The following FBXL7 variants were observed in gnomAD, a reference collection of about 807,000 sequenced individuals.
FBXL7 encodes F-box/LRR-repeat protein 7.
FBXL7 carries 12 observed loss-of-function variants against 38.3 expected under a neutral mutation model. That is an observed-to-expected ratio of 0.31 (90% confidence interval 0.20 to 0.51). FBXL7 has a LOEUF of 0.51. Ranked by LOEUF, FBXL7 falls within the 20% of genes least tolerant of loss-of-function variation. The probability of loss-of-function intolerance (pLI) is 0.98; values close to 1 mark genes in which losing one functional copy is unlikely to be tolerated. For synonymous variants in FBXL7, 297 were observed against 300.9 expected (o/e 0.99, Z 0.13); for missense variants, 567 against 676.4 (o/e 0.84, Z 1.79).
chr5:15,627,291 C>T (rs1290312872), intron 2 of FBXL7, among the ~76,000 whole-genome samples: 1 of 152,092 alleles, frequency 6.6e-6, no homozygotes, highest in Non-Finnish European at 1.5e-5. Context: ...TGGTCTAAAG[C>T]AGAAGGGAGT....
chr5:15,826,760 C>T (rs766768930), intron 2 of FBXL7, among the ~76,000 whole-genome samples: 1 of 152,176 alleles, frequency 6.6e-6, no homozygotes, highest in African/African-American at 2.4e-5. Flanking sequence ...CTCCATGCAA[C>T]ATACCCTGAG....
chr5:15,750,394 G>A (rs1442568092), intron 2 of FBXL7, among the ~76,000 whole-genome samples: 1 of 152,152 alleles, frequency 6.6e-6, no homozygotes, highest in East Asian at 1.9e-4. Context: ...ATGGGGAGGA[G>A]GACATGTGCC....
chr5:15,679,735 T>G (rs1207685134), intron 2 of FBXL7, among the ~76,000 whole-genome samples: 4 of 152,132 alleles, frequency 2.6e-5, no homozygotes, highest in Non-Finnish European at 5.9e-5. Flanking sequence ...TTGAATGACA[T>G]TTTTAGGTGG....
At chr5:15,614,856 C>T (rs948982634) in intron 1 of FBXL7, among the ~76,000 whole-genome samples, 1 of 152,184 alleles carries the variant, frequency 6.6e-6, no homozygotes, top group African/African-American at 2.4e-5. Context: ...GGAAGGGTCT[C>T]TCTCCTCCAG....
intron 2 of FBXL7, among the ~76,000 whole-genome samples, chr5:15,822,831 C>T (rs914088605): frequency 9.9e-5 from 15 of 152,060 alleles, no homozygotes; most frequent in Non-Finnish European, 1.2e-4. Context: ...CAGATGTTAG[C>T]GTGCATAGTA....
intron 2 of FBXL7, among the ~76,000 whole-genome samples, chr5:15,667,603 A>G (rs767669691): frequency 2.0e-5 from 3 of 151,986 alleles, no homozygotes; most frequent in Non-Finnish European, 2.9e-5. Flanking sequence ...TTCTTTTGGC[A>G]TTATCTGTTT....
At chr5:15,858,698 A>G (rs1442593684) in intron 2 of FBXL7, among the ~76,000 whole-genome samples, 3 of 152,064 alleles carry the variant, frequency 2.0e-5, no homozygotes, top group Non-Finnish European at 4.4e-5. Flanking sequence ...TTTTTTGTTG[A>G]TCTTTCTTTG....
chr5:15,541,655 G>A (rs573998927), intron 1 of FBXL7, among the ~76,000 whole-genome samples: 9 of 146,030 alleles, frequency 6.2e-5, no homozygotes, highest in Admixed American at 2.1e-4. Flanking sequence ...AGCAATTCTC[G>A]TGCCTCAGCC....
intron 2 of FBXL7, among the ~76,000 whole-genome samples, chr5:15,618,982 G>C (rs570086258): frequency 1.1e-4 from 16 of 152,324 alleles, no homozygotes; most frequent in African/African-American, 3.8e-4. Context: ...GCAGGCACCT[G>C]AAAATTAAAA....
intron 1 of FBXL7, among the ~76,000 whole-genome samples, chr5:15,547,064 G>C (rs546276270): frequency 6.6e-6 from 1 of 152,188 alleles, no homozygotes; most frequent in African/African-American, 2.4e-5. Context: ...GTGAGACCTG[G>C]GTCAGAGGTA....
intron 1 of FBXL7, among the ~76,000 whole-genome samples, chr5:15,604,666 TTTAA>T (rs1471592283): frequency 6.6e-6 from 1 of 152,200 alleles, no homozygotes; most frequent in African/African-American, 2.4e-5. Flanking sequence ...ATGACTTCTA[TTTAA>T]TTCTTTCTCT....
At chr5:15,664,264 TCA>T (rs1336955298) in intron 2 of FBXL7, among the ~76,000 whole-genome samples, 1 of 152,144 alleles carries the variant, frequency 6.6e-6, no homozygotes, top group Non-Finnish European at 1.5e-5. Flanking sequence ...TTTCTCTCTC[TCA>T]GTCTTTGTGT....
intron 1 of FBXL7, among the ~76,000 whole-genome samples, chr5:15,541,429 A>ATGTGTGTGTGTG (rs1269400393): frequency 1.1e-5 from 1 of 93,908 alleles, no homozygotes; most frequent in African/African-American, 4.6e-5. Flanking sequence ...CATATAGTAT[A>ATGTGTGTGTGTG]TATGTGTGTG....
At chr5:15,826,014 C>G (rs1024468423) in intron 2 of FBXL7, among the ~76,000 whole-genome samples, 3 of 152,110 alleles carry the variant, frequency 2.0e-5, no homozygotes, top group African/African-American at 7.2e-5. Context: ...TTTTTGTGAA[C>G]TTAAAATTAT....
At chr5:15,856,495 C>T (rs575220839) in intron 2 of FBXL7, among the ~76,000 whole-genome samples, 11 of 151,936 alleles carry the variant, frequency 7.2e-5, no homozygotes, top group African/African-American at 2.7e-4. Context: ...AACAAACACC[C>T]ACAACCCAAG....
Position 15,730,975 on chromosome 5 carries a change from G to A in FBXL7, c.127+114903G>A, listed in dbSNP as rs542438340. Among the ~76,000 whole-genome samples the A allele has an allele frequency of 3.2e-4, 49 of 152,290 alleles. No individual in the cohort carries two copies. The Middle Eastern group carries it at 0.01, about 32-fold the overall frequency. The stretch of plus-strand genomic sequence containing the variant: ...GCCTATCATGAAGATGTTAACAGGT[G>A]TTTTAAGCTAGATTGCTAAGCTCTC... On this transcript the variant is annotated intron_variant, in intron 2 of 3. Transcript: ENST00000504595.
At chr5:15,614,274 C>CTTT (rs375128237) in intron 1 of FBXL7, among the ~76,000 whole-genome samples, 1 of 126,540 alleles carries the variant, frequency 7.9e-6, no homozygotes, top group African/African-American at 3.0e-5. Context: ...CTTTTCTTTT[C>CTTT]TTTTTTTTTT....
At chr5:15,518,871 G>A (rs908363004) in intron 1 of FBXL7, among the ~76,000 whole-genome samples, 2 of 152,084 alleles carry the variant, frequency 1.3e-5, no homozygotes, top group Non-Finnish European at 2.9e-5. Flanking sequence ...CCTTTGGCTT[G>A]CACATATTTA....
chr5:15,928,274 A>T lies in FBXL7; in HGVS notation c.512A>T (p.Lys171Met), dbSNP rs780974318. 6.8e-6 allele frequency: 11 copies of T among 1,612,716 alleles called. No individual in the cohort carries two copies. The highest frequency in any genetic ancestry group is 1.3e-5 in the African/African-American group (1 of 74,908). Residue 171 changes from lysine to methionine, a missense_variant, in exon 3 of 4, where the codon AAG becomes ATG. Lys to Met is a moderately conservative substitution (Grantham distance 95, BLOSUM62 -1). Coordinates refer to ENST00000504595, the MANE Select transcript of FBXL7 (RefSeq NM_012304.5). The surrounding 1 kb of genome is among the most constrained non-coding windows in gnomAD (Gnocchi z 4.0). ...ACCATCAACGTGGACCGCGCCCTCAAGGTGCTGACCCGCAGACTCTGCCAG... is the reference window on the plus strand; with the variant it reads ...ACCATCAACGTGGACCGCGCCCTCATGGTGCTGACCCGCAGACTCTGCCAG... Reference protein sequence around the residue: ...GETINVDRALKVLTRRLCQDT... With the variant: ...GETINVDRALMVLTRRLCQDT...
Sources: allele counts gnomAD v4.1 joint callset (sites outside exome capture counted in the v4.1 genomes callset), GRCh38; gene constraint gnomAD v4.1.1; non-coding constraint Gnocchi (gnomAD v3.1); transcripts MANE v1.5; gene names NCBI Gene and HGNC (gene_info 2026-07-23, HGNC 2026-07-21).